The following C8orf34 variants were observed in gnomAD, a reference collection of about 807,000 sequenced individuals.
C8orf34 encodes the protein uncharacterized protein C8orf34.
A neutral mutation model predicts 68.3 loss-of-function variants in C8orf34; 65 were observed. That is an observed-to-expected ratio of 0.95 (90% CI 0.78 to 1.17). The LOEUF (loss-of-function observed/expected upper bound fraction) is 1.17. Among genes scored for constraint, C8orf34 ranks in the 50% most tolerant of loss-of-function variants. C8orf34 has a pLI of 0.00. For missense variants in C8orf34, 664 were observed against 655.4 expected (o/e 1.01, Z -0.14); for synonymous variants, 244 against 241.2 (o/e 1.01, Z -0.11).
intron 4 of C8orf34, among the ~76,000 whole-genome samples, chr8:68,471,583 T>C (rs1479281349): frequency 6.6e-6 from 1 of 152,110 alleles, no homozygotes; most frequent in Non-Finnish European, 1.5e-5. Flanking sequence ...TCTTTTTCTA[T>C]GATAGTAACT....
At chr8:68,596,626 C>T (rs996145205) in intron 7 of C8orf34, among the ~76,000 whole-genome samples, 7 of 152,230 alleles carry the variant, frequency 4.6e-5, no homozygotes, top group South Asian at 2.1e-4. Context: ...AATGGGTACA[C>T]GATGGGGCCA....
intron 7 of C8orf34, among the ~76,000 whole-genome samples, chr8:68,550,018 C>T (rs772279148): frequency 1.3e-5 from 2 of 151,662 alleles, no homozygotes; most frequent in Admixed American, 6.6e-5. Flanking sequence ...GTAGACAGTA[C>T]GTATTTTGGC....
chr8:68,367,907 G>GAAAAAAAAAAAAAAA (rs1807360133), intron 1 of C8orf34, among the ~76,000 whole-genome samples: 44 of 15,004 alleles, frequency 2.9e-3, no homozygotes, highest in Non-Finnish European at 4.3e-3. Context: ...AATAAAAAAA[G>GAAAAAAAAAAAAAAA]AAAAGAAAAA....
At chr8:68,482,041 A>G (rs907349637) in intron 4 of C8orf34, among the ~76,000 whole-genome samples, 5 of 152,220 alleles carry the variant, frequency 3.3e-5, no homozygotes, top group Admixed American at 2.0e-4. Flanking sequence ...CTTGAATTGT[A>G]TCTTCCAGAA....
chr8:68,784,472 T>C (rs1023531938), intron 11 of C8orf34, among the ~76,000 whole-genome samples: 1 of 152,160 alleles, frequency 6.6e-6, no homozygotes, highest in Non-Finnish European at 1.5e-5. Flanking sequence ...TCCCTATCCC[T>C]CCTGAACTAT....
chr8:68,462,997 C>A (rs879718874), intron 3 of C8orf34, among the ~76,000 whole-genome samples: 1 of 151,980 alleles, frequency 6.6e-6, no homozygotes, highest in Non-Finnish European at 1.5e-5. Context: ...ATTAATGAAT[C>A]CAGGAGCTGG....
chr8:68,745,131 A>G (rs1401796640), intron 10 of C8orf34, among the ~76,000 whole-genome samples: 1 of 152,160 alleles, frequency 6.6e-6, no homozygotes, highest in Non-Finnish European at 1.5e-5. Flanking sequence ...ATCCAGCCAA[A>G]CTAAGCTTCA....
intron 7 of C8orf34, among the ~76,000 whole-genome samples, chr8:68,615,277 T>A (rs1818168862): frequency 6.6e-6 from 1 of 150,542 alleles, no homozygotes; most frequent in Non-Finnish European, 1.5e-5. Flanking sequence ...TGAATACCCT[T>A]TATTTCCTTC....
At chr8:68,695,301 C>T (rs1402915168) in intron 8 of C8orf34, among the ~76,000 whole-genome samples, 1 of 152,006 alleles carries the variant, frequency 6.6e-6, no homozygotes, top group Non-Finnish European at 1.5e-5. Context: ...GAACCCGCCA[C>T]CACGTCTGGC....
At chr8:68,669,804 G>A (rs74864710) in intron 8 of C8orf34, among the ~76,000 whole-genome samples, 1,780 of 152,270 alleles carry the variant, frequency 0.012, 36 homozygotes, top group African/African-American at 0.039. Flanking sequence ...AAATTGGAGT[G>A]ATGGAGTTTT....
At chr8:68,455,084 T>A (rs1811492261) in intron 3 of C8orf34, among the ~76,000 whole-genome samples, 1 of 152,140 alleles carries the variant, frequency 6.6e-6, no homozygotes, top group African/African-American at 2.4e-5. Flanking sequence ...TGACTTCTAG[T>A]TTTATTCTTT....
chr8:68,802,187 C>A (rs1183548251), intron 12 of C8orf34, among the ~76,000 whole-genome samples: 1 of 152,016 alleles, frequency 6.6e-6, no homozygotes, highest in Non-Finnish European at 1.5e-5. Context: ...CACAACCTCT[C>A]CCTCCCAAGT....
chr8:68,477,125 A>T (rs1812652735), intron 4 of C8orf34, among the ~76,000 whole-genome samples: 1 of 152,152 alleles, frequency 6.6e-6, no homozygotes, highest in Admixed American at 6.5e-5. Context: ...CTAGTTGATA[A>T]AGGGGTGTCT....
chr8:68,585,571 A>T (rs1817184683), intron 7 of C8orf34, among the ~76,000 whole-genome samples: 1 of 152,108 alleles, frequency 6.6e-6, no homozygotes, highest in Non-Finnish European at 1.5e-5. Context: ...AATACTTATT[A>T]TTTCACAGCT....
In C8orf34 at chr8:68,461,309, A is replaced by G. The variant is rs191352666; in HGVS notation, c.608-7383A>G. On this transcript the variant is annotated intron_variant, in intron 3 of 13. Transcript: ENST00000518698. ...GACTATGTGAAAAGACCAAATCTAC[A>G]TCTGATTGGTGTACCTGAAAGTGAC... Among the ~76,000 whole-genome samples the G allele has an allele frequency of 2.2e-3, 328 of 152,334 alleles. 1 individual carries two copies. Among genetic ancestry groups the G allele is most frequent in the African/African-American group, 7.1e-3 (294 of 41,570 alleles).
At chr8:68,733,876 T>TGTAA (rs147208169) in intron 10 of C8orf34, among the ~76,000 whole-genome samples, 2 of 152,168 alleles carry the variant, frequency 1.3e-5, no homozygotes, top group Admixed American at 6.5e-5. Flanking sequence ...CTGAGTAATT[T>TGTAA]GTAAGTAAGT....
At chr8:68,379,517 A>C (rs1586019578) in intron 1 of C8orf34, among the ~76,000 whole-genome samples, 1 of 152,216 alleles carries the variant, frequency 6.6e-6, no homozygotes, top group South Asian at 2.1e-4. Context: ...ATACCATTTT[A>C]TTTATTGTTG....
At chr8:68,805,577 G>C (rs1420808908) in intron 12 of C8orf34, among the ~76,000 whole-genome samples, 2 of 152,014 alleles carry the variant, frequency 1.3e-5, no homozygotes, top group African/African-American at 4.8e-5. Flanking sequence ...TTTATTATTA[G>C]GAGATATTTC....
At chr8:68,570,792 A>T (rs981818067) in intron 7 of C8orf34, among the ~76,000 whole-genome samples, 2 of 152,208 alleles carry the variant, frequency 1.3e-5, no homozygotes, top group African/African-American at 2.4e-5. Flanking sequence ...TTTTAACAAG[A>T]TCCCATTGTC....
Sources: allele counts gnomAD v4.1 joint callset (sites outside exome capture counted in the v4.1 genomes callset), GRCh38; gene constraint gnomAD v4.1.1; transcripts MANE v1.5; gene names NCBI Gene and HGNC (gene_info 2026-07-23, HGNC 2026-07-21).